Variants in NRXN3 observed in about 807,000 individuals in gnomAD.
The protein encoded by NRXN3 is neurexin III.
NRXN3 carries 32 observed loss-of-function variants against 137.6 expected under a neutral mutation model. The ratio of observed to expected loss-of-function variants is 0.23; its 90% confidence interval spans 0.18 to 0.31. NRXN3 has a LOEUF of 0.31. NRXN3 is among the 10% of genes least tolerant of loss of function. NRXN3 has a pLI of 1.00. For missense variants in NRXN3, 1,574 were observed against 2,062.5 expected, an observed-to-expected ratio of 0.76 and a Z score of 4.59; for synonymous variants, 798 against 784.5, an observed-to-expected ratio of 1.02 and a Z score of -0.29.
At chr14:78,547,345 A>G (rs900807656) in intron 4 of NRXN3, among the ~76,000 whole-genome samples, 5 of 151,988 alleles carry the variant, frequency 3.3e-5, no homozygotes, top group African/African-American at 1.2e-4. Context: ...AGCTGGGATT[A>G]CAGGCGCCCG....
In NRXN3 at chr14:79,862,064, A is replaced by G; in HGVS notation, c.*100A>G. On this transcript the variant is annotated 3_prime_UTR_variant, in exon 21 of 21. Transcript: ENST00000335750. ...TCTCACAGATGTCAGAACTGCTGGA[A>G]CTATGAAATGGGGTATATAACCACG... is the stretch of plus-strand genomic sequence containing the variant. 2.9e-6 allele frequency: 3 copies of G among 1,040,600 alleles called. No individual in the cohort carries two copies. Among genetic ancestry groups the G allele is most frequent in the Non-Finnish European group, 4.2e-6 (3 of 717,182 alleles). 64.5% of individuals were successfully genotyped at this position (1,040,600 alleles called of 1,614,324 possible). A position where few individuals can be genotyped will look rare whatever the true frequency, so the allele number is the denominator to read the frequency against.
At chr14:78,412,950 G>T (rs2092919685) in intron 4 of NRXN3, among the ~76,000 whole-genome samples, 1 of 152,124 alleles carries the variant, frequency 6.6e-6, no homozygotes, top group Admixed American at 6.5e-5. Flanking sequence ...CTACTTTTTG[G>T]TTTTTAACCT....
At chr14:79,848,817 G>A (rs1272501144) in intron 20 of NRXN3, among the ~76,000 whole-genome samples, 1 of 152,070 alleles carries the variant, frequency 6.6e-6, no homozygotes, top group Non-Finnish European at 1.5e-5. Flanking sequence ...GCATCTATAT[G>A]ATGATAATTT....
intron 16 of NRXN3, among the ~76,000 whole-genome samples, chr14:79,548,720 C>T (rs1179825694): frequency 6.7e-6 from 1 of 148,814 alleles, no homozygotes; most frequent in Non-Finnish European, 1.5e-5. Flanking sequence ...ATAAGTCTAT[C>T]CTTAAAGATA....
At chr14:78,845,183 T>C (rs1305831895) in intron 10 of NRXN3, among the ~76,000 whole-genome samples, 1 of 152,058 alleles carries the variant, frequency 6.6e-6, no homozygotes, top group African/African-American at 2.4e-5. Flanking sequence ...TATTCCAGTC[T>C]CTTAATTGAA....
intron 20 of NRXN3, among the ~76,000 whole-genome samples, chr14:79,809,665 G>T (rs1342706799): frequency 1.3e-5 from 2 of 152,058 alleles, no homozygotes; most frequent in Non-Finnish European, 2.9e-5. Flanking sequence ...GCGAGGGTCT[G>T]GATTTTAACT....
intron 10 of NRXN3, among the ~76,000 whole-genome samples, chr14:78,896,413 C>G (rs2099175006): frequency 6.6e-6 from 1 of 151,712 alleles, no homozygotes; most frequent in South Asian, 2.1e-4. Flanking sequence ...ATGGTGATTA[C>G]TATTACGTAT....
At chr14:79,003,847 AT>A (rs2099546829) in intron 15 of NRXN3, among the ~76,000 whole-genome samples, 1 of 152,140 alleles carries the variant, frequency 6.6e-6, no homozygotes. Flanking sequence ...AACCTTAATC[AT>A]GGCGATTTTG....
At chr14:78,824,800 T>TA (rs200098201) in intron 10 of NRXN3, among the ~76,000 whole-genome samples, 1,549 of 151,922 alleles carry the variant, frequency 0.01, 19 homozygotes, top group Middle Eastern at 0.031. Flanking sequence ...TAGAAATAAC[T>TA]AAAAAAAATA....
chr14:78,394,866 G>A (rs552606117), intron 4 of NRXN3, among the ~76,000 whole-genome samples: 8 of 151,878 alleles, frequency 5.3e-5, no homozygotes, highest in East Asian at 3.9e-4. Flanking sequence ...TCAAATTTAT[G>A]TATGTATTCC....
chr14:78,990,321 A>G (rs11627971), intron 15 of NRXN3, among the ~76,000 whole-genome samples: 1 of 149,848 alleles, frequency 6.7e-6, no homozygotes, highest in Non-Finnish European at 1.5e-5. Flanking sequence ...CTGTGATTGG[A>G]TAGATACATA....
At chr14:78,371,779 G>A (rs2086879846) in intron 4 of NRXN3, among the ~76,000 whole-genome samples, 1 of 152,230 alleles carries the variant, frequency 6.6e-6, no homozygotes, top group African/African-American at 2.4e-5. Flanking sequence ...GTGCACTCCA[G>A]TTCCTGGCCA....
intron 19 of NRXN3, among the ~76,000 whole-genome samples, chr14:79,761,011 C>T (rs1265828424): frequency 6.6e-6 from 1 of 151,558 alleles, no homozygotes; most frequent in Non-Finnish European, 1.5e-5. Flanking sequence ...AGAAAAAGAA[C>T]ACATTTTAAT....
intron 16 of NRXN3, among the ~76,000 whole-genome samples, chr14:79,561,271 A>G (rs190227965): frequency 2.7e-4 from 41 of 152,306 alleles, no homozygotes; most frequent in African/African-American, 9.4e-4. Context: ...GTACAAGGGA[A>G]AGAAGAGATG....
At chr14:79,105,688 C>T (rs2370901) in intron 15 of NRXN3, among the ~76,000 whole-genome samples, 76,970 of 151,846 alleles carry the variant, frequency 0.51, 22,796 homozygotes, top group East Asian at 0.78. Flanking sequence ...GTCTGCTAAA[C>T]GGCTAAACTA....
chr14:78,556,804 G>A (rs992526329), intron 4 of NRXN3, among the ~76,000 whole-genome samples: 1 of 151,776 alleles, frequency 6.6e-6, no homozygotes, highest in Non-Finnish European at 1.5e-5. Context: ...TGATCATTGG[G>A]CTTCTCCCTA....
intron 20 of NRXN3, among the ~76,000 whole-genome samples, chr14:79,816,731 A>G (rs1454882851): frequency 2.6e-5 from 4 of 152,218 alleles, no homozygotes; most frequent in Non-Finnish European, 5.9e-5. Flanking sequence ...TAGTTACAGT[A>G]TGTAATGCAT....
chr14:79,197,034 G>T (rs2065233281), intron 15 of NRXN3, among the ~76,000 whole-genome samples: 1 of 152,170 alleles, frequency 6.6e-6, no homozygotes, highest in Admixed American at 6.5e-5. Context: ...GGCTAGGTCA[G>T]CTCTATTACA....
chr14:78,312,525 C>G (rs904842835), intron 4 of NRXN3, among the ~76,000 whole-genome samples: 3 of 152,050 alleles, frequency 2.0e-5, no homozygotes, highest in Admixed American at 1.3e-4. Flanking sequence ...GTTTGCACTT[C>G]CTTTCTTCCT....
Sources: gnomAD v4.1 joint callset for allele counts (sites outside exome capture counted in the v4.1 genomes callset) on GRCh38, gnomAD v4.1.1 for gene constraint, MANE v1.5 for transcripts, NCBI Gene and HGNC (gene_info 2026-07-23, HGNC 2026-07-21) for gene names.